Variants in CAMTA1 observed in about 807,000 individuals in gnomAD.
CAMTA1 encodes the protein calmodulin binding transcription activator 1.
Under a neutral mutation model 170.9 loss-of-function variants are expected in CAMTA1, and 27 were observed. The observed-to-expected ratio is 0.16, with a 90% CI of 0.12 to 0.22. The LOEUF is 0.22. CAMTA1 is among the 10% of genes least tolerant of loss of function. The pLI is 1.00. For synonymous variants in CAMTA1, 833 were observed against 891.5 expected, an observed-to-expected ratio of 0.93 and a Z score of 1.17; for missense variants, 1,619 against 2,217.2, an observed-to-expected ratio of 0.73 and a Z score of 5.42.
intron 5 of CAMTA1, among the ~76,000 whole-genome samples, chr1:7,452,993 G>C (rs986962586): frequency 2.0e-5 from 3 of 148,160 alleles, no homozygotes; most frequent in Non-Finnish European, 4.6e-5. Flanking sequence ...TGACTAACTA[G>C]ACTCCAAGGA....
chr1:7,010,183 C>T lies in CAMTA1; in HGVS notation c.235-81121C>T, dbSNP rs548783206. On this transcript the variant is annotated intron_variant, in intron 3 of 22. Coordinates refer to ENST00000303635, the MANE Select transcript of CAMTA1 (RefSeq NM_015215.4). The surrounding 1 kb of genome is among the most constrained non-coding windows in gnomAD (Gnocchi z 4.4). ...AGGACACTGCTGCGAGGAGGGCTTC[C>T]TGGAGCTTGGGGAAGCTTCAGTCCA... 6.6e-6 allele frequency among the ~76,000 whole-genome samples: 1 copy of T among 152,312 alleles called. No individual in the cohort carries two copies. The highest frequency in any genetic ancestry group is 2.1e-4 in the South Asian group (1 of 4,828).
At chr1:7,086,515 G>C (rs7515073) in intron 3 of CAMTA1, among the ~76,000 whole-genome samples, 36,604 of 152,026 alleles carry the variant, frequency 0.24, 4,529 homozygotes, top group East Asian at 0.32. Context: ...TCTAGCTCCA[G>C]ACATTTTCAT....
intron 5 of CAMTA1, among the ~76,000 whole-genome samples, chr1:7,452,089 A>C (rs1334222260): frequency 6.6e-6 from 1 of 152,242 alleles, no homozygotes; most frequent in African/African-American, 2.4e-5. Context: ...TCTAAACTGG[A>C]GGCCTCAAGG....
At chr1:7,645,898 A>T (rs1383340110) in intron 7 of CAMTA1, among the ~76,000 whole-genome samples, 1 of 152,126 alleles carries the variant, frequency 6.6e-6, no homozygotes, top group Non-Finnish European at 1.5e-5. Context: ...CAGCACCTCC[A>T]CCCCCACACT....
intron 6 of CAMTA1, among the ~76,000 whole-genome samples, chr1:7,569,273 T>TCAC (rs202246062): frequency 0.094 from 13,701 of 146,498 alleles, 2,047 homozygotes; most frequent in African/African-American, 0.32. Context: ...ATCATCATCA[T>TCAC]CACATCACCA....
intron 3 of CAMTA1, among the ~76,000 whole-genome samples, chr1:6,981,658 ACTC>A (rs1282827434): frequency 1.3e-5 from 2 of 151,952 alleles, no homozygotes; most frequent in African/African-American, 2.4e-5. Context: ...GTGGTCTTAA[ACTC>A]CTGGATTCAA....
At chr1:7,099,456 A>G (rs892585860) in intron 4 of CAMTA1, among the ~76,000 whole-genome samples, 1 of 152,160 alleles carries the variant, frequency 6.6e-6, no homozygotes, top group Non-Finnish European at 1.5e-5. Flanking sequence ...AGTACAGCTC[A>G]ATCCTGTTTC....
In CAMTA1 at chr1:7,305,597, C is replaced by T. The variant is rs74052027; in HGVS notation, c.438+55971C>T. ...TTGCCATTCATTACTTTTTCATTGCCGAGTAATACTCCATTGTATTCATGT... is the reference window on the plus strand; with the variant it reads ...TTGCCATTCATTACTTTTTCATTGCTGAGTAATACTCCATTGTATTCATGT... On this transcript the variant is annotated intron_variant, in intron 5 of 22. Transcript: ENST00000303635. Among the ~76,000 whole-genome samples the T allele has an allele frequency of 6.1e-3, 933 of 152,052 alleles. 9 individuals are homozygous for T. The highest frequency in any genetic ancestry group is 0.022 in the African/African-American group (896 of 41,502).
chr1:7,128,274 T>G (rs1645046610), intron 4 of CAMTA1, among the ~76,000 whole-genome samples: 1 of 152,174 alleles, frequency 6.6e-6, no homozygotes, highest in African/African-American at 2.4e-5. Context: ...ATAATAAGTC[T>G]TCACCATGAG....
At chr1:7,393,720 C>T (rs2149148946) in intron 5 of CAMTA1, among the ~76,000 whole-genome samples, 1 of 152,210 alleles carries the variant, frequency 6.6e-6, no homozygotes, top group East Asian at 1.9e-4. Flanking sequence ...CATTTAAAAT[C>T]CTCTCTTTTA....
At chr1:7,701,123 T>G (rs1470882813) in intron 11 of CAMTA1, among the ~76,000 whole-genome samples, 1 of 152,222 alleles carries the variant, frequency 6.6e-6, no homozygotes, top group Non-Finnish European at 1.5e-5. Context: ...GTGCTTGGAA[T>G]AGGGCAGAAT....
chr1:7,147,641 C>T (rs541395510), intron 4 of CAMTA1, among the ~76,000 whole-genome samples: 23 of 150,700 alleles, frequency 1.5e-4, no homozygotes, highest in East Asian at 5.9e-4. Context: ...ACATACACCA[C>T]AAATACACAT....
At chr1:7,119,051 A>T (rs1207659323) in intron 4 of CAMTA1, among the ~76,000 whole-genome samples, 3 of 152,252 alleles carry the variant, frequency 2.0e-5, no homozygotes, top group Admixed American at 1.3e-4. Flanking sequence ...TGCAGTTCAC[A>T]TGCAGCCTGG....
rs2095508816 is a variant in CAMTA1 at position 7,609,450 on chromosome 1, T to C, written c.511-30950T>C. The stretch of plus-strand genomic sequence containing the variant: ...GGTGTTAACAGCAAATCAAAGCCCC[T>C]CAGTGAGGGCAGCAGAGCAGCAGCC... On this transcript the variant is annotated intron_variant, in intron 6 of 22. Coordinates refer to ENST00000303635, the MANE Select transcript of CAMTA1 (RefSeq NM_015215.4). The surrounding 1 kb of genome is among the most constrained non-coding windows in gnomAD (Gnocchi z 4.4). 1.3e-5 allele frequency among the ~76,000 whole-genome samples: 2 copies of C among 151,936 alleles called. No individual in the cohort carries two copies. The highest frequency in any genetic ancestry group is 4.8e-5 in the African/African-American group (2 of 41,384).
intron 11 of CAMTA1, among the ~76,000 whole-genome samples, chr1:7,697,211 G>A (rs2096385587): frequency 6.6e-6 from 1 of 152,190 alleles, no homozygotes; most frequent in Non-Finnish European, 1.5e-5. Flanking sequence ...GAGGACAGGA[G>A]GACCCGAAGT....
In CAMTA1 at chr1:7,427,863, A is replaced by C. The variant is rs1355749225; in HGVS notation, c.439-39967A>C. On this transcript the variant is annotated intron_variant, in intron 5 of 22. Coordinates refer to ENST00000303635, the MANE Select transcript of CAMTA1 (RefSeq NM_015215.4). ...TCCTCTAGGGTGAGCCTTGAGGTACAGGGAGCTCTGGGTTCCAGAATATTC... is the reference window on the plus strand; with the variant it reads ...TCCTCTAGGGTGAGCCTTGAGGTACCGGGAGCTCTGGGTTCCAGAATATTC... Among the ~76,000 whole-genome samples, 3 of 152,266 alleles carry C rather than the reference A, an allele frequency of 2.0e-5. No individual in the cohort carries two copies. The East Asian group carries it at 5.8e-4, about 29-fold the overall frequency.
intron 22 of CAMTA1, among the ~76,000 whole-genome samples, chr1:7,764,543 T>C (rs2097002579): frequency 6.6e-6 from 1 of 152,228 alleles, no homozygotes; most frequent in African/African-American, 2.4e-5. Flanking sequence ...GTGGTAAATA[T>C]AAATGTTTTC....
At chr1:7,639,371 G>C (rs888144630) in intron 6 of CAMTA1, among the ~76,000 whole-genome samples, 1 of 152,204 alleles carries the variant, frequency 6.6e-6, no homozygotes, top group Non-Finnish European at 1.5e-5. Context: ...CTCCGCCCCA[G>C]AAACCAACAA....
intron 5 of CAMTA1, among the ~76,000 whole-genome samples, chr1:7,403,150 C>T (rs1364911688): frequency 6.6e-6 from 1 of 151,954 alleles, no homozygotes; most frequent in Non-Finnish European, 1.5e-5. Context: ...GTCAGGAGTT[C>T]GAGACCAGCC....
Sources: allele counts gnomAD v4.1 joint callset (sites outside exome capture counted in the v4.1 genomes callset), GRCh38; gene constraint gnomAD v4.1.1; non-coding constraint Gnocchi (gnomAD v3.1); transcripts MANE v1.5; gene names NCBI Gene and HGNC (gene_info 2026-07-23, HGNC 2026-07-21).